RBFOX1: variants seen among roughly 807,000 people sequenced by gnomAD.
RBFOX1 encodes the protein RNA binding fox-1 homolog 1, also known as RNA binding protein fox-1 homolog 1.
Under a neutral mutation model 57.7 loss-of-function variants are expected in RBFOX1, and 8 were observed. The ratio of observed to expected loss-of-function variants is 0.14; its 90% CI spans 0.08 to 0.25. The LOEUF (loss-of-function observed/expected upper bound fraction) is 0.25. Ranked by LOEUF, RBFOX1 falls within the 10% of genes least tolerant of loss-of-function variation. The pLI, the probability that RBFOX1 is intolerant of heterozygous loss-of-function variation, is 1.00. For synonymous variants in RBFOX1, 326 were observed against 222.4 expected (o/e 1.47, Z -4.15); for missense variants, 611 against 548.5 (o/e 1.11, Z -1.14).
At chr16:6,993,880 C>T (rs939335017) in intron 3 of RBFOX1, among the ~76,000 whole-genome samples, 1 of 152,172 alleles carries the variant, frequency 6.6e-6, no homozygotes, top group African/African-American at 2.4e-5. Context: ...GAACGTCTCT[C>T]AGGGACAACA....
chr16:6,536,582 TTC>T (rs1462010182), intron 2 of RBFOX1, among the ~76,000 whole-genome samples: 1 of 151,878 alleles, frequency 6.6e-6, no homozygotes, highest in Non-Finnish European at 1.5e-5. Flanking sequence ...CTAATTTTCC[TTC>T]TGTTCTTGAA....
chr16:5,616,647 C>T (rs72763297), intron 3 of RBFOX1, among the ~76,000 whole-genome samples: 66,504 of 138,994 alleles, frequency 0.48, 20,728 homozygotes, highest in Non-Finnish European at 0.69. Context: ...CTCACCCCTC[C>T]TCCTCTGCTT....
intron 3 of RBFOX1, among the ~76,000 whole-genome samples, chr16:5,734,512 A>G (rs949232965): frequency 1.3e-5 from 2 of 152,232 alleles, no homozygotes; most frequent in Non-Finnish European, 2.9e-5. Flanking sequence ...TCTAAGCCCC[A>G]TGGAGTGTTG....
Position 5,906,240 on chromosome 16 carries a change from G to C in RBFOX1, c.351+38905G>C, listed in dbSNP as rs116530652. ...GGTTCTTGTAGATACAATTAGTTAA[G>C]CTGAGGTCATCCGGGAGTAGGGTGG... is the stretch of plus-strand genomic sequence containing the variant. On this transcript the variant is annotated intron_variant, in intron 4 of 19. Coordinates refer to the RBFOX1 transcript ENST00000641259. Among the ~76,000 whole-genome samples, 535 of 152,276 alleles carry C rather than the reference G, an allele frequency of 3.5e-3. 1 individual carries two copies. The highest frequency in any genetic ancestry group is 0.012 in the African/African-American group (483 of 41,554).
chr16:6,656,599 G>GGC (rs71386526), intron 3 of RBFOX1, among the ~76,000 whole-genome samples: 1 of 146,312 alleles, frequency 6.8e-6, no homozygotes, highest in Non-Finnish European at 1.5e-5. Flanking sequence ...GGGGAAAATA[G>GGC]ACACACACAC....
chr16:5,594,097 G>A (rs868413171), intron 2 of RBFOX1, among the ~76,000 whole-genome samples: 2 of 151,948 alleles, frequency 1.3e-5, no homozygotes, highest in South Asian at 2.1e-4. Flanking sequence ...CGCCATCATT[G>A]GGAACTCATC....
rs71408412 is a variant in RBFOX1, at chr16:6,863,725, C to CTTT, written c.-15-188307_-15-188305dup. 1.5e-3 allele frequency among the ~76,000 whole-genome samples: 104 copies of CTTT among 67,768 alleles called. 10 individuals carry two copies. Among genetic ancestry groups the CTTT allele is most frequent in the African/African-American group, 6.1e-3 (81 of 13,382 alleles). The allele number at this position is 67,768 out of a possible 152,430, so 44.5% of individuals were successfully genotyped here. Reference sequence around the variant, plus strand: ...CGGAAGCACAAATTGGATGCCTGCGCTTTTTTTTTTTTTTTTTTTTTTTTT... The same window carrying CTTT: ...CGGAAGCACAAATTGGATGCCTGCGCTTTTTTTTTTTTTTTTTTTTTTTTTTTT... On this transcript the variant is annotated intron_variant, in intron 3 of 15. Coordinates refer to ENST00000550418, the MANE Select transcript of RBFOX1 (RefSeq NM_018723.4).
At chr16:7,469,106 T>A (rs2061073260) in intron 4 of RBFOX1, among the ~76,000 whole-genome samples, 1 of 152,112 alleles carries the variant, frequency 6.6e-6, no homozygotes, top group South Asian at 2.1e-4. Context: ...GCTAATTTTT[T>A]TGAATTTTTA....
intron 3 of RBFOX1, among the ~76,000 whole-genome samples, chr16:6,864,051 AG>A (rs2059492399): frequency 6.6e-6 from 1 of 151,244 alleles, no homozygotes; most frequent in Non-Finnish European, 1.5e-5. Context: ...GCCTAGCAAA[AG>A]CTGAACCTTC....
At chr16:7,300,158 C>T (rs745999351) in intron 4 of RBFOX1, among the ~76,000 whole-genome samples, 7 of 152,182 alleles carry the variant, frequency 4.6e-5, no homozygotes, top group African/African-American at 1.4e-4. Flanking sequence ...TCCCACAGCA[C>T]TCACCACCAT....
At chr16:6,051,442 C>T (rs2095551040) in intron 1 of RBFOX1, among the ~76,000 whole-genome samples, 1 of 152,150 alleles carries the variant, frequency 6.6e-6, no homozygotes, top group Admixed American at 6.5e-5. Flanking sequence ...ATTCTCATGC[C>T]TCCACCTTAC....
At chr16:7,498,448 G>GTTT (rs35340425) in intron 4 of RBFOX1, among the ~76,000 whole-genome samples, 2 of 150,902 alleles carry the variant, frequency 1.3e-5, no homozygotes, top group African/African-American at 4.9e-5. Flanking sequence ...TATGTAGTGG[G>GTTT]TTTTTTTTTA....
chr16:6,718,986 C>G (rs2065390181), intron 3 of RBFOX1, among the ~76,000 whole-genome samples: 1 of 151,982 alleles, frequency 6.6e-6, no homozygotes, highest in African/African-American at 2.4e-5. Context: ...CCTCAGCTTC[C>G]CAAGTAGCTT....
intron 3 of RBFOX1, among the ~76,000 whole-genome samples, chr16:6,821,130 G>A (rs1357199314): frequency 2.0e-5 from 3 of 152,286 alleles, no homozygotes; most frequent in East Asian, 3.9e-4. Flanking sequence ...ATAGTGATGA[G>A]ATTCAGTGCC....
intron 2 of RBFOX1, among the ~76,000 whole-genome samples, chr16:6,334,430 C>T (rs1257762665): frequency 1.3e-5 from 2 of 149,700 alleles, no homozygotes; most frequent in African/African-American, 2.5e-5. Context: ...ATTGCTTGAA[C>T]CCAGGAGGTC....
At chr16:6,698,469 T>C (rs1463407830) in intron 3 of RBFOX1, among the ~76,000 whole-genome samples, 2 of 152,182 alleles carry the variant, frequency 1.3e-5, no homozygotes, top group African/African-American at 4.8e-5. Context: ...ATCAATCCTG[T>C]CATTATCTCT....
intron 2 of RBFOX1, among the ~76,000 whole-genome samples, chr16:6,443,438 C>T (rs2153031366): frequency 6.6e-6 from 1 of 152,270 alleles, no homozygotes; most frequent in South Asian, 2.1e-4. Context: ...GGAGGTTTTG[C>T]ATTGTTTTGA....
chr16:6,080,602 A>G (rs993655204), intron 1 of RBFOX1, among the ~76,000 whole-genome samples: 1 of 152,244 alleles, frequency 6.6e-6, no homozygotes, highest in Non-Finnish European at 1.5e-5. Flanking sequence ...TTTACATCAA[A>G]TGACACATAG....
chr16:5,454,274 G>C (rs1203835893), intron 1 of RBFOX1, among the ~76,000 whole-genome samples: 4 of 152,230 alleles, frequency 2.6e-5, no homozygotes, highest in Non-Finnish European at 4.4e-5. Flanking sequence ...AGATATTCCA[G>C]TGTTGCATTG....
Sources: gnomAD v4.1 joint callset for allele counts (sites outside exome capture counted in the v4.1 genomes callset) on GRCh38, gnomAD v4.1.1 for gene constraint, MANE v1.5 for transcripts, NCBI Gene and HGNC (gene_info 2026-07-23, HGNC 2026-07-21) for gene names.